The following ATP2A2 variants were observed in gnomAD, a reference collection of about 807,000 sequenced individuals.
ATP2A2 encodes the protein sarcoplasmic/endoplasmic reticulum calcium ATPase 2.
ATP2A2 carries 14 observed loss-of-function variants against 109.3 expected under a neutral mutation model. That is an observed-to-expected ratio of 0.13 (90% confidence interval 0.08 to 0.20). ATP2A2 has a LOEUF of 0.20. ATP2A2 is among the 10% of genes least tolerant of loss of function. ATP2A2 has a pLI of 1.00. For synonymous variants in ATP2A2, 506 were observed against 490.9 expected (o/e 1.03, Z -0.41); for missense variants, 657 against 1,321.6 (o/e 0.50, Z 7.80).
intron 5 of ATP2A2, among the ~76,000 whole-genome samples, chr12:110,311,857 TTGAGACCTTG>T (rs1876112345): frequency 6.7e-6 from 1 of 149,630 alleles, no homozygotes; most frequent in Non-Finnish European, 1.5e-5. Flanking sequence ...GGGCAACATA[TTGAGACCTTG>T]TCTTTACAAA....
At chr12:110,296,285 A>G (rs1873952947) in intron 4 of ATP2A2, 7 of 366,514 alleles carry the variant, frequency 1.9e-5, no homozygotes, top group South Asian at 1.4e-4. Context: ...GACAGAATTG[A>G]TTTTAAATGG....
At chr12:110,316,965 AT>A (rs1246863784) in intron 5 of ATP2A2, among the ~76,000 whole-genome samples, 1 of 152,182 alleles carries the variant, frequency 6.6e-6, no homozygotes, top group East Asian at 1.9e-4. Flanking sequence ...CACGTTTGCC[AT>A]TTTAAAGACA....
chr12:110,322,769 G>A (rs1877375470), intron 5 of ATP2A2, among the ~76,000 whole-genome samples: 1 of 152,152 alleles, frequency 6.6e-6, no homozygotes, highest in Non-Finnish European at 1.5e-5. Context: ...GTTTCCTTAA[G>A]CCTCATTCTC....
chr12:110,346,503 TAATC>T lies in ATP2A2; in HGVS notation c.*37_*40del, dbSNP rs372652244. 4.0e-4 allele frequency: 651 copies of T among 1,613,514 alleles called. No homozygotes were observed. The highest frequency in any genetic ancestry group is 1.9e-3 in the African/African-American group (139 of 75,036). ...TTTTCCATAAAGAAGATGTTTAACT[TAATC>T]AATTAATTTTTTTATTGTTTAAAGC... On this transcript the variant is annotated 3_prime_UTR_variant, in exon 20 of 20. Transcript: ENST00000539276.
intron 11 of ATP2A2, among the ~76,000 whole-genome samples, chr12:110,335,679 A>G (rs1200095579): frequency 6.6e-6 from 1 of 152,260 alleles, no homozygotes; most frequent in Non-Finnish European, 1.5e-5. Context: ...TGCCAAGGAC[A>G]GGTGGGAGAG....
Position 110,320,409 on chromosome 12 carries a change from A to G in ATP2A2, c.464-2583A>G, listed in dbSNP as rs572520949. Among the ~76,000 whole-genome samples the G allele has an allele frequency of 7.2e-5, 11 of 152,334 alleles. No homozygotes were observed. In the East Asian group the frequency reaches 2.1e-3, roughly 29 times the overall value. On this transcript the variant is annotated intron_variant, in intron 5 of 19. Transcript: ENST00000539276. ...TGACATTGACGTAAATCAAATCCTC[A>G]GACACCAAAGGAACATTTGGAAATA... is the stretch of plus-strand genomic sequence containing the variant.
At chr12:110,291,985 A>G in intron 3 of ATP2A2, 35 bp from the exon 4 acceptor site, 4 of 1,582,384 alleles carry the variant, frequency 2.5e-6, no homozygotes, top group Non-Finnish European at 3.5e-6. Context: ...ATTAAGCCTA[A>G]AAAGACACAT....
In ATP2A2 at chr12:110,349,711, C is replaced by T; in HGVS notation, c.*3241C>T. On this transcript the variant is annotated 3_prime_UTR_variant, in exon 20 of 20. Transcript: ENST00000539276. ...TGTCCAGGGCCAGAGCATACCACGT[C>T]TGCAGTGCCTGTGAGCAGAGCCAGC... 9.9e-7 allele frequency: 1 copy of T among 1,006,276 alleles called. No individual in the cohort carries two copies. Among genetic ancestry groups the T allele is most frequent in the South Asian group, 4.2e-5 (1 of 23,758 alleles). The allele number at this position is 1,006,276 out of a possible 1,614,324, so 62.3% of individuals were successfully genotyped here. A position where few individuals can be genotyped will look rare whatever the true frequency, so the allele number is the denominator to read the frequency against.
chr12:110,290,937 T>C (rs945454901), intron 3 of ATP2A2, among the ~76,000 whole-genome samples: 4 of 142,274 alleles, frequency 2.8e-5, no homozygotes, highest in Admixed American at 7.0e-5. Context: ...TTTTTGAGTT[T>C]TGCTTTTGTT....
intron 8 of ATP2A2, chr12:110,331,198 A>G (rs1002703726): frequency 1.3e-5 from 2 of 151,558 alleles, no homozygotes; most frequent in Non-Finnish European, 2.9e-5. Flanking sequence ...GAGTCGTGCC[A>G]TTGCAGTCCA....
intron 3 of ATP2A2, among the ~76,000 whole-genome samples, chr12:110,291,057 C>T (rs946110530): frequency 3.3e-5 from 5 of 151,964 alleles, no homozygotes; most frequent in Admixed American, 1.3e-4. Context: ...TACAGGCATG[C>T]ACCACCACAC....
chr12:110,288,129 G>A (rs1422440281), intron 3 of ATP2A2, among the ~76,000 whole-genome samples: 2 of 130,320 alleles, frequency 1.5e-5, no homozygotes, highest in African/African-American at 6.3e-5. Context: ...TTTTTTTGAG[G>A]CAGAGTCTCA....
In ATP2A2 at chr12:110,327,476, C is replaced by A; in HGVS notation, c.631-77C>A. 1 of 1,370,260 alleles carries A rather than the reference C, an allele frequency of 7.3e-7. No homozygotes were observed. The highest frequency in any genetic ancestry group is 1.0e-6 in the Non-Finnish European group (1 of 958,332). The allele number at this position is 1,370,260 out of a possible 1,614,324, so 84.9% of individuals were successfully genotyped here. A position where few individuals can be genotyped will look rare whatever the true frequency, so the allele number is the denominator to read the frequency against. On this transcript the variant is annotated intron_variant, in intron 7 of 19. Transcript: ENST00000539276. This position sits in a 1 kb window ranked among gnomAD's most constrained non-coding sequence, Gnocchi z 4.4. Reference sequence around the variant, plus strand: ...AGAATGTGTAGAGAATCTGGGTGCCCTAGTCAAAAACCAGCGTCGGTATTT... The same window carrying A: ...AGAATGTGTAGAGAATCTGGGTGCCATAGTCAAAAACCAGCGTCGGTATTT...
intron 5 of ATP2A2, among the ~76,000 whole-genome samples, chr12:110,297,206 G>T (rs1297225790): frequency 6.6e-6 from 1 of 152,056 alleles, no homozygotes; most frequent in Non-Finnish European, 1.5e-5. Flanking sequence ...TTGGGATGCC[G>T]AGGCAGGCAG....
rs907846455 is a variant in ATP2A2 at position 110,342,413 on chromosome 12, C to T, written c.2283C>T (p.Arg761=). Residue 761 remains arginine (R), a synonymous_variant, in exon 15 of 20, where the codon CGC becomes CGT. Coordinates refer to ENST00000539276, the MANE Select transcript of ATP2A2 (RefSeq NM_170665.4). This position sits in a 1 kb window ranked among gnomAD's most constrained non-coding sequence, Gnocchi z 4.6. ...ACAACAACATGAAACAGTTCATCCGCTACCTCATCTCGTCCAACGTCGGGG... is the reference window on the plus strand; with the variant it reads ...ACAACAACATGAAACAGTTCATCCGTTACCTCATCTCGTCCAACGTCGGGG... ...AIYNNMKQFI[R]YLISSNVGEV... 6.8e-6 allele frequency: 11 copies of T among 1,613,904 alleles called. No homozygotes were observed. The highest frequency in any genetic ancestry group is 9.3e-6 in the Non-Finnish European group (11 of 1,180,044).
chr12:110,348,227 C>T lies in ATP2A2; in HGVS notation c.*1757C>T, dbSNP rs1038915327. On this transcript the variant is annotated 3_prime_UTR_variant, in exon 20 of 20. Coordinates refer to ENST00000539276, the MANE Select transcript of ATP2A2 (RefSeq NM_170665.4). ...AACTGAACCAGTGAACTCTGGGTATCGATAGGTTCGTCTTAAATAGGCCAC... is the reference window on the plus strand; with the variant it reads ...AACTGAACCAGTGAACTCTGGGTATTGATAGGTTCGTCTTAAATAGGCCAC... The T allele has an allele frequency of 3.0e-6, 3 of 985,282 alleles. No homozygotes were observed. The highest frequency in any genetic ancestry group is 4.7e-5 in the South Asian group (1 of 21,290). The allele number at this position is 985,282 out of a possible 1,614,324, so 61.0% of individuals were successfully genotyped here. A position where few individuals can be genotyped will look rare whatever the true frequency, so the allele number is the denominator to read the frequency against.
intron 14 of ATP2A2, among the ~76,000 whole-genome samples, chr12:110,341,612 G>A (rs1879359735): frequency 6.6e-6 from 1 of 152,166 alleles, no homozygotes; most frequent in African/African-American, 2.4e-5. Context: ...AGTGGCTCAT[G>A]CCTGTAACCC....
intron 3 of ATP2A2, among the ~76,000 whole-genome samples, chr12:110,284,216 A>G (rs1872441697): frequency 6.6e-6 from 1 of 152,346 alleles, no homozygotes; most frequent in Admixed American, 6.5e-5. Context: ...TTACCAATTA[A>G]GGGAAATGAG....
Position 110,281,634 on chromosome 12 carries a change from T to C in ATP2A2, c.-156T>C, listed in dbSNP as rs1872093836. On this transcript the variant is annotated 5_prime_UTR_variant, in exon 1 of 20. Transcript: ENST00000539276. ...TCTGGGGGAGGGGGCGCGGGGTGATTCAGCGCCCGGCGAGGCGGAAGCGGC... is the reference window on the plus strand; with the variant it reads ...TCTGGGGGAGGGGGCGCGGGGTGATCCAGCGCCCGGCGAGGCGGAAGCGGC... 5 of 431,706 alleles carry C rather than the reference T, an allele frequency of 1.2e-5. No homozygotes were observed. The highest frequency in any genetic ancestry group is 2.0e-5 in the Non-Finnish European group (5 of 250,310). The allele number at this position is 431,706 out of a possible 1,614,324, so 26.7% of individuals were successfully genotyped here.
Sources: allele counts gnomAD v4.1 joint callset (sites outside exome capture counted in the v4.1 genomes callset), GRCh38; gene constraint gnomAD v4.1.1; non-coding constraint Gnocchi (gnomAD v3.1); transcripts MANE v1.5; gene names NCBI Gene and HGNC (gene_info 2026-07-23, HGNC 2026-07-21).